Variants in MCF2 observed in about 807,000 individuals in gnomAD.
MCF2 encodes the protein MCF.2 cell line derived transforming sequence.
MCF2 carries 44 observed loss-of-function variants against 82.5 expected under a neutral mutation model. That is an observed-to-expected ratio of 0.53 (90% CI 0.42 to 0.69). MCF2 has a LOEUF of 0.69. MCF2 is among the 30% of genes least tolerant of loss of function. The pLI, the probability that MCF2 is intolerant of heterozygous loss-of-function variation, is 0.00. For missense variants in MCF2, 623 were observed against 663.1 expected (o/e 0.94, Z 0.66); for synonymous variants, 217 against 224.9 (o/e 0.96, Z 0.32).
At chrX:139,633,597 G>T (rs1271889696) in intron 1 of MCF2, among the ~76,000 whole-genome samples, 1 of 110,915 alleles carries the variant, frequency 9.0e-6, no homozygotes, top group African/African-American at 3.3e-5. Flanking sequence ...TGACACTGGG[G>T]GACAATGGGA....
upstream of MCF2, chrX:139,646,682 T>C: frequency 2.6e-6 from 1 of 388,379 alleles, no homozygotes; most frequent in Non-Finnish European, 4.4e-6. Context: ...AGTCAGTTGG[T>C]TATTCACCAT....
At chrX:139,607,832 C>A in intron 11 of MCF2, 53 bp from the exon 16 acceptor site, 3 of 808,125 alleles carry the variant, frequency 3.7e-6, no homozygotes. Flanking sequence ...TATAATTTTT[C>A]TTCAAGGCGA....
At chrX:139,602,451 T>A in exon 16 of MCF2, 1 of 1,205,365 alleles carries the variant, frequency 8.3e-7, no homozygotes, top group East Asian at 3.0e-5. Flanking sequence ...TTGTTTCTGA[T>A]CTGGGCTTAT....
intron 12 of MCF2, among the ~76,000 whole-genome samples, chrX:139,606,450 C>T (rs1395471268): frequency 2.7e-5 from 3 of 110,580 alleles, no homozygotes; most frequent in Non-Finnish European, 5.7e-5. Flanking sequence ...CTCCACCTCC[C>T]GGGTTCAAGA....
intron 1 of MCF2, among the ~76,000 whole-genome samples, chrX:139,660,008 T>C (rs1262781992): frequency 8.9e-6 from 1 of 112,072 alleles, no homozygotes; most frequent in African/African-American, 3.2e-5. Context: ...TCAGGGAGGC[T>C]ACCTTTCATA....
chrX:139,622,134 C>T (rs1233085425), intron 6 of MCF2, among the ~76,000 whole-genome samples: 3 of 112,282 alleles, frequency 2.7e-5, no homozygotes, highest in African/African-American at 9.7e-5. Flanking sequence ...AAAAAATGCT[C>T]ATCATCACTG....
chrX:139,620,965 T>C (rs1018009977), intron 6 of MCF2, among the ~76,000 whole-genome samples: 2 of 111,048 alleles, frequency 1.8e-5, no homozygotes, highest in Non-Finnish European at 3.8e-5. Context: ...CATCAAACTA[T>C]ACCAAAACAA....
chrX:139,669,335 C>A (rs1305177531), intron 1 of MCF2, among the ~76,000 whole-genome samples: 1 of 111,723 alleles, frequency 9.0e-6, no homozygotes, highest in East Asian at 2.8e-4. Context: ...ACAATGATAC[C>A]ACATCACACC....
intron 16 of MCF2, 50 bp downstream of exon 20, chrX:139,602,356 C>A: frequency 1.1e-6 from 1 of 912,436 alleles, no homozygotes; most frequent in Admixed American, 2.4e-5. Context: ...TAAGAAATAC[C>A]GCAATATCTT....
At chrX:139,670,911 T>C (rs1025464947) in intron 1 of MCF2, among the ~76,000 whole-genome samples, 1 of 111,933 alleles carries the variant, frequency 8.9e-6, no homozygotes, top group Non-Finnish European at 1.9e-5. Flanking sequence ...ATGGTTGAAG[T>C]AGTTTACACT....
At chrX:139,659,774 T>G (rs960118310) in intron 1 of MCF2, among the ~76,000 whole-genome samples, 1 of 111,585 alleles carries the variant, frequency 9.0e-6, no homozygotes, top group East Asian at 2.8e-4. Context: ...GAAAGGGAAA[T>G]GTCAGCCAGA....
upstream of MCF2, among the ~76,000 whole-genome samples, chrX:139,645,340 C>T (rs1398401011): frequency 9.0e-6 from 1 of 110,968 alleles, no homozygotes; most frequent in East Asian, 2.8e-4. Flanking sequence ...TGAATCTCTT[C>T]TCACTCATAA....
At chrX:139,627,321 T>C (rs760155217) in intron 4 of MCF2, among the ~76,000 whole-genome samples, 1 of 112,362 alleles carries the variant, frequency 8.9e-6, no homozygotes, top group South Asian at 3.7e-4. Context: ...TTGCAAATAA[T>C]ACTTAATGCA....
intron 1 of MCF2, among the ~76,000 whole-genome samples, chrX:139,703,503 G>A (rs1935536763): frequency 8.9e-6 from 1 of 111,898 alleles, no homozygotes. Context: ...TTGGCAGGCC[G>A]AGGAGGGGTG....
In MCF2 at chrX:139,626,176, GA is replaced by G. The variant is rs200256833; in HGVS notation, c.687+16del. ...GGTGTAATGAAAAAAGGTATACAAA[GA>G]AATGTTTTAACTGACCTGTTGAAAA... is the stretch of plus-strand genomic sequence containing the variant. On this transcript the variant is annotated intron_variant, in intron 6 of 24. Transcript: ENST00000370576. 0.014 allele frequency: 14,555 copies of G among 1,051,149 alleles called. 98 individuals carry two copies. Among genetic ancestry groups the G allele is most frequent in the Non-Finnish European group, 0.017 (12,890 of 767,088 alleles). The allele number at this position is 1,051,149 out of a possible 1,213,427, so 86.6% of individuals were successfully genotyped here. A position where few individuals can be genotyped will look rare whatever the true frequency, so the allele number is the denominator to read the frequency against.
chrX:139,583,145 T>C (rs6634087), intron 24 of MCF2, among the ~76,000 whole-genome samples: 4,564 of 111,435 alleles, frequency 0.041, 117 homozygotes, highest in African/African-American at 0.088. Flanking sequence ...AATGCAAAAG[T>C]GGATATGAGA....
chrX:139,697,996 C>T (rs776136375), intron 1 of MCF2, among the ~76,000 whole-genome samples: 26 of 109,890 alleles, frequency 2.4e-4, no homozygotes, highest in Non-Finnish European at 4.4e-4. Context: ...AAAAATTAGC[C>T]GGGTGTAGTG....
intron 4 of MCF2, among the ~76,000 whole-genome samples, chrX:139,628,492 A>G (rs1932817957): frequency 9.0e-6 from 1 of 111,409 alleles, no homozygotes; most frequent in Non-Finnish European, 1.9e-5. Flanking sequence ...GGGAGGAGGC[A>G]GAGTGTTGAA....
chrX:139,668,741 G>A (rs181051933), intron 1 of MCF2, among the ~76,000 whole-genome samples: 1 of 111,519 alleles, frequency 9.0e-6, no homozygotes, highest in Admixed American at 9.6e-5. Flanking sequence ...AGTATGAAAC[G>A]TTTCTATTCA....
Sources: allele counts gnomAD v4.1 joint callset (sites outside exome capture counted in the v4.1 genomes callset), GRCh38; gene constraint gnomAD v4.1.1; transcripts MANE v1.5; gene names NCBI Gene and HGNC (gene_info 2026-07-23, HGNC 2026-07-21).